UGT2B15: variants seen among roughly 807,000 people sequenced by gnomAD.
UGT2B15 encodes UDP-glucuronosyltransferase 2B15.
In UGT2B15, 36 loss-of-function variants were observed where a neutral mutation model predicts 45.9. That is an observed-to-expected ratio of 0.78 (90% CI 0.60 to 1.04). UGT2B15 has a LOEUF of 1.04. UGT2B15 is among the 50% of genes least tolerant of loss of function. The pLI, the probability that UGT2B15 is intolerant of heterozygous loss-of-function variation, is 0.00. For missense variants in UGT2B15, 617 were observed against 622.4 expected (o/e 0.99, Z 0.09); for synonymous variants, 219 against 216.4 (o/e 1.01, Z -0.11).
chr4:68,660,813 T>C (rs1732942497), intron 3 of UGT2B15, among the ~76,000 whole-genome samples: 1 of 151,688 alleles, frequency 6.6e-6, no homozygotes, highest in Non-Finnish European at 1.5e-5. Flanking sequence ...CATGCTTTCA[T>C]GAAGCCCTAC....
rs775748401 is a variant in UGT2B15 at position 68,666,752 on chromosome 4, A to ATTTTTT, written c.873+1282_873+1287dup. Among the ~76,000 whole-genome samples the ATTTTTT allele has an allele frequency of 2.0e-3, 258 of 127,842 alleles. 1 individual carries two copies. Among genetic ancestry groups the ATTTTTT allele is most frequent in the Middle Eastern group, 4.3e-3 (1 of 232 alleles). 83.9% of individuals were successfully genotyped at this position (127,842 alleles called of 152,430 possible). ...AAATTACATATATATATATATATAT[A>ATTTTTT]TTTTTTTTTTTTGAGACAGATTCTC... On this transcript the variant is annotated intron_variant, in intron 2 of 5. Transcript: ENST00000338206.
chr4:68,667,916 T>C (rs1733187716), intron 2 of UGT2B15, 124 bp downstream of exon 2: 1 of 1,439,768 alleles, frequency 6.9e-7, no homozygotes, highest in South Asian at 1.4e-5. Context: ...GATTTTCTAA[T>C]GGCAAGTCCT....
chr4:68,659,760 A>T (rs1369501755), intron 3 of UGT2B15, among the ~76,000 whole-genome samples: 3 of 151,978 alleles, frequency 2.0e-5, no homozygotes, highest in Non-Finnish European at 4.4e-5. Flanking sequence ...AGTTTTTGAT[A>T]ATTTTGGAGA....
At chr4:68,663,697 A>T (rs140528892) in intron 2 of UGT2B15, among the ~76,000 whole-genome samples, 1,818 of 151,988 alleles carry the variant, frequency 0.012, 36 homozygotes, top group African/African-American at 0.042. Flanking sequence ...CTAGCTCTCT[A>T]ACCCTTTATA....
chr4:68,646,922 C>G lies in UGT2B15; in HGVS notation c.*182G>C. On this transcript the variant is annotated 3_prime_UTR_variant, in exon 6 of 6. Coordinates refer to ENST00000338206, the MANE Select transcript of UGT2B15 (RefSeq NM_001076.4). Reference sequence around the variant, plus strand: ...TTTTTCATAGCTTAAAAATCATTGACATAGAATAATTCAGCTAAAGTACGT... The same window carrying G: ...TTTTTCATAGCTTAAAAATCATTGAGATAGAATAATTCAGCTAAAGTACGT... 1 of 762,548 alleles carries G rather than the reference C, an allele frequency of 1.3e-6. No homozygotes were observed. The highest frequency in any genetic ancestry group is 5.1e-5 in the Admixed American group (1 of 19,684). 47.2% of individuals were successfully genotyped at this position (762,548 alleles called of 1,614,324 possible).
intron 3 of UGT2B15, among the ~76,000 whole-genome samples, chr4:68,656,111 GT>G (rs1014531718): frequency 6.6e-6 from 1 of 151,678 alleles, no homozygotes; most frequent in East Asian, 1.9e-4. Flanking sequence ...ACTCCTTTTT[GT>G]TTTTTTTGGA....
At position 68,670,445 on chromosome 4, in the gene UGT2B15, A is replaced by C. The variant is rs74987674; in HGVS notation, c.174T>G (p.Ser58=). Reference sequence around the variant, plus strand: ...TGGCATTGACAAGAGTAGAAGCCGAAGATGTCAACACAGTCACCTCATGAC... The same window carrying C: ...TGGCATTGACAAGAGTAGAAGCCGACGATGTCAACACAGTCACCTCATGAC... The part of the protein sequence containing the change: ...QRGHEVTVLT[S]SASTLVNASK... The change falls in exon 1 of 6, where the codon TCT becomes TCG. Residue 58 remains serine, a synonymous_variant. Transcript: ENST00000338206. 6.4e-4 allele frequency: 1,025 copies of C among 1,613,990 alleles called. 9 individuals are homozygous for C. In the African/African-American group the frequency reaches 0.013, roughly 20 times the overall value.
chr4:68,665,048 T>C (rs1002593038), intron 2 of UGT2B15, among the ~76,000 whole-genome samples: 10 of 152,118 alleles, frequency 6.6e-5, no homozygotes, highest in African/African-American at 2.4e-4. Context: ...AAAACATCTA[T>C]TTATAGACAG....
At chr4:68,652,382 T>G (rs1393496653) in intron 5 of UGT2B15, among the ~76,000 whole-genome samples, 3 of 151,854 alleles carry the variant, frequency 2.0e-5, no homozygotes, top group African/African-American at 7.2e-5. Context: ...CTTTCTCTAG[T>G]TCACATTTAA....
rs929926399 is a variant in UGT2B15, at chr4:68,664,107, C to T, written c.874-968G>A. ...ACTTTCTCCAGTGGAGATCTGCTCA[C>T]CCCCTAGAGTAGCTCCCTCACACTA... On this transcript the variant is annotated intron_variant, in intron 2 of 5. Coordinates refer to ENST00000338206, the MANE Select transcript of UGT2B15 (RefSeq NM_001076.4). Among the ~76,000 whole-genome samples the T allele has an allele frequency of 3.3e-5, 5 of 151,732 alleles. 1 individual carries two copies. The highest frequency in any genetic ancestry group is 1.2e-4 in the African/African-American group (5 of 41,286).
At chr4:68,653,906 G>A (rs1179157173) in intron 5 of UGT2B15, 131 bp downstream of exon 5, 13 of 1,213,516 alleles carry the variant, frequency 1.1e-5, no homozygotes, top group Non-Finnish European at 1.5e-5. Flanking sequence ...GGAAAGTAAG[G>A]ACAGATTTTA....
chr4:68,661,242 C>T (rs1410839109), intron 3 of UGT2B15, among the ~76,000 whole-genome samples: 1 of 152,054 alleles, frequency 6.6e-6, no homozygotes, highest in Non-Finnish European at 1.5e-5. Context: ...AGTCACCCCT[C>T]TGCTCACTGG....
In UGT2B15 at chr4:68,670,391, A is replaced by C. The variant is rs752300832; in HGVS notation, c.228T>G (p.Val76=). 8.1e-6 allele frequency: 13 copies of C among 1,613,620 alleles called. No individual in the cohort carries two copies. In the East Asian group the frequency reaches 2.7e-4, roughly 33 times the overall value. Residue 76 remains valine, a synonymous_variant, in exon 1 of 6, where the codon GTT becomes GTG. Transcript: ENST00000338206. ...AATTTTTAGTTAAAGATGTAGGATA[A>C]ACTTCTAATTTAATAGCAGATGATT... ...ASKSSAIKLE[V]YPTSLTKNYL...
rs777143441 is a variant in UGT2B15, at chr4:68,670,324, A to C, written c.295T>G (p.Tyr99Asp). ...SLLKILDRWI[Y>D]GVSKNTFWSY... Reference sequence around the variant, plus strand: ...CAAAATGTATTTTTTGAAACACCATATATCCATCTATCGAGAATTTTCAGA... The same window carrying C: ...CAAAATGTATTTTTTGAAACACCATCTATCCATCTATCGAGAATTTTCAGA... Residue 99 changes from tyrosine (Y) to aspartate (D), a missense_variant, in exon 1 of 6, where the codon TAT becomes GAT. Around this residue, in one of 3 missense-constraint regions of UGT2B15, gnomAD observed 351 missense variants for 342.1 expected, o/e 1.03. Coordinates refer to ENST00000338206, the MANE Select transcript of UGT2B15 (RefSeq NM_001076.4). The C allele has an allele frequency of 2.4e-5, 39 of 1,613,868 alleles. No individual in the cohort carries two copies. The highest frequency in any genetic ancestry group is 3.3e-5 in the Non-Finnish European group (39 of 1,179,968).
intron 5 of UGT2B15, among the ~76,000 whole-genome samples, chr4:68,649,664 A>T (rs1732593855): frequency 6.6e-6 from 1 of 151,948 alleles, no homozygotes; most frequent in Admixed American, 6.5e-5. Context: ...TATACAGATA[A>T]ATGTGCAATA....
intron 3 of UGT2B15, among the ~76,000 whole-genome samples, chr4:68,660,723 C>T (rs1198249823): frequency 2.6e-5 from 4 of 152,024 alleles, no homozygotes; most frequent in African/African-American, 4.8e-5. Flanking sequence ...CATGGCGACA[C>T]GTCTTCAAAA....
Position 68,669,458 on chromosome 4 carries a change from T to C in UGT2B15, c.724+437A>G, listed in dbSNP as rs185907394. On this transcript the variant is annotated intron_variant, in intron 1 of 5. Transcript: ENST00000338206. ...TACATGAAAAACAAAATTTAATTTC[T>C]AAATGAGGAAACTGAGGAACTCAAA... 2.9e-3 allele frequency among the ~76,000 whole-genome samples: 449 copies of C among 152,262 alleles called. 3 individuals are homozygous for C. The highest frequency in any genetic ancestry group is 0.01 in the African/African-American group (420 of 41,576).
chr4:68,650,931 C>T (rs1732633482), intron 5 of UGT2B15, among the ~76,000 whole-genome samples: 1 of 149,892 alleles, frequency 6.7e-6, no homozygotes, highest in African/African-American at 2.4e-5. Context: ...AGTGTGTTGG[C>T]TGCATAAATG....
intron 3 of UGT2B15, among the ~76,000 whole-genome samples, chr4:68,659,826 C>A (rs954635398): frequency 6.6e-6 from 1 of 151,718 alleles, no homozygotes. Context: ...CTAAAATGTT[C>A]ATGAGTATCA....
Sources: allele counts gnomAD v4.1 joint callset (sites outside exome capture counted in the v4.1 genomes callset), GRCh38; gene constraint gnomAD v4.1.1; regional missense constraint gnomAD v4.1.1; transcripts MANE v1.5; gene names NCBI Gene and HGNC (gene_info 2026-07-23, HGNC 2026-07-21).